The following CILK1 variants were observed in gnomAD, a reference collection of about 807,000 sequenced individuals.
CILK1 encodes the protein ciliogenesis associated kinase 1.
CILK1 carries 47 observed loss-of-function variants against 79.2 expected under a neutral mutation model. The observed-to-expected ratio is 0.59, with a 90% CI of 0.47 to 0.76. The LOEUF (loss-of-function observed/expected upper bound fraction) is 0.76, where lower values mean the gene tolerates loss of function less well. Ranked by LOEUF, CILK1 falls within the 30% of genes least tolerant of loss-of-function variation. The pLI is 0.00. For missense variants in CILK1, 660 were observed against 769.5 expected (o/e 0.86, Z 1.68); for synonymous variants, 266 against 275.9 (o/e 0.96, Z 0.36).
intron 1 of CILK1, among the ~76,000 whole-genome samples, chr6:53,049,790 G>C (rs1767349710): frequency 6.6e-6 from 1 of 152,166 alleles, no homozygotes; most frequent in African/African-American, 2.4e-5. Flanking sequence ...GCAGCTGTGT[G>C]ATCATGGCTC....
chr6:53,053,051 T>A (rs1343710555), intron 1 of CILK1, among the ~76,000 whole-genome samples: 2 of 60,540 alleles, frequency 3.3e-5, no homozygotes, highest in Non-Finnish European at 8.2e-5. Flanking sequence ...AGTAAAAGCC[T>A]GAAAAAAAAA....
intron 5 of CILK1, among the ~76,000 whole-genome samples, chr6:53,021,128 C>T (rs774771295): frequency 6.6e-6 from 1 of 152,178 alleles, no homozygotes; most frequent in Non-Finnish European, 1.5e-5. Flanking sequence ...TCGAGACCAG[C>T]CTGGCCAATA....
At chr6:53,042,849 CTAAG>C (rs1766804069) in intron 1 of CILK1, among the ~76,000 whole-genome samples, 1 of 152,090 alleles carries the variant, frequency 6.6e-6, no homozygotes, top group African/African-American at 2.4e-5. Flanking sequence ...TTGGTAAAAT[CTAAG>C]TAAGATCTGT....
rs1764216430 is a variant in CILK1, at chr6:53,006,310, C to G, written c.1744+5G>C. On this transcript the variant is annotated splice_donor_5th_base_variant and intron_variant, in intron 13 of 13. Coordinates refer to ENST00000676107, the MANE Select transcript of CILK1 (RefSeq NM_014920.5). ...AATTCATGAATAATTTAAAATACAA[C>G]TCACCAGGGGAAGGGTCTGGAATAG... 4.3e-6 allele frequency: 7 copies of G among 1,613,320 alleles called. No homozygotes were observed. In the East Asian group the frequency reaches 1.6e-4, roughly 36 times the overall value.
At chr6:53,022,652 G>A (rs1376751916) in intron 5 of CILK1, among the ~76,000 whole-genome samples, 1 of 152,164 alleles carries the variant, frequency 6.6e-6, no homozygotes, top group Non-Finnish European at 1.5e-5. Flanking sequence ...TTAATAATGT[G>A]CCCTTTACTC....
At chr6:53,013,522 T>G (rs1158694599) in intron 9 of CILK1, 140 bp downstream of exon 9, 1 of 830,260 alleles carries the variant, frequency 1.2e-6, no homozygotes, top group African/African-American at 1.7e-5. Context: ...GCCAAGGGTC[T>G]TTACAATTCC....
intron 3 of CILK1, among the ~76,000 whole-genome samples, chr6:53,036,152 T>C (rs1670401388): frequency 6.6e-6 from 1 of 152,346 alleles, no homozygotes; most frequent in Admixed American, 6.5e-5. Flanking sequence ...GTAATCTCTT[T>C]TGCATTAGAA....
At chr6:53,015,929 C>T in intron 8 of CILK1, 154 bp downstream of exon 8, 1 of 759,802 alleles carries the variant, frequency 1.3e-6, no homozygotes, top group Non-Finnish European at 2.2e-6. Flanking sequence ...AAGTTTCAAA[C>T]TATTTTAAGT....
chr6:53,050,259 C>T (rs1442266590), intron 1 of CILK1, among the ~76,000 whole-genome samples: 1 of 151,732 alleles, frequency 6.6e-6, no homozygotes, highest in Non-Finnish European at 1.5e-5. Context: ...ACTGTGTAGA[C>T]CAGAGACCAC....
chr6:53,032,720 A>G, intron 3 of CILK1, 66 bp from the exon 4 acceptor site: 1 of 1,346,160 alleles, frequency 7.4e-7, no homozygotes, highest in East Asian at 2.4e-5. Flanking sequence ...TGAAAAAGAA[A>G]AGTAATCCTA....
chr6:53,029,339 G>C (rs548113257), intron 5 of CILK1, among the ~76,000 whole-genome samples: 3 of 152,206 alleles, frequency 2.0e-5, no homozygotes, highest in African/African-American at 7.2e-5. Flanking sequence ...GTGAATAAAG[G>C]CCCAAGTACT....
At chr6:53,027,397 T>A (rs1765643386) in intron 5 of CILK1, among the ~76,000 whole-genome samples, 1 of 152,206 alleles carries the variant, frequency 6.6e-6, no homozygotes, top group Admixed American at 6.5e-5. Flanking sequence ...CATTGCTCAA[T>A]CAGTACCAAG....
chr6:53,061,178 T>C (rs1768418035), intron 1 of CILK1: 1 of 152,232 alleles, frequency 6.6e-6, no homozygotes, highest in Non-Finnish European at 1.5e-5. Flanking sequence ...TCATAACAGC[T>C]ACTCAGATTA....
chr6:53,025,128 C>T (rs1318966302), intron 5 of CILK1, among the ~76,000 whole-genome samples: 19 of 152,126 alleles, frequency 1.2e-4, no homozygotes, highest in Admixed American at 9.2e-4. Flanking sequence ...CCACTGTGCC[C>T]GGCCCATATA....
intron 8 of CILK1, 52 bp downstream of exon 8, chr6:53,016,031 G>T: frequency 6.4e-7 from 1 of 1,552,564 alleles, no homozygotes; most frequent in Non-Finnish European, 8.9e-7. Context: ...GCAATTCATA[G>T]AAATTATTCA....
chr6:53,010,258 A>G (rs1764493233), intron 11 of CILK1, among the ~76,000 whole-genome samples: 1 of 152,180 alleles, frequency 6.6e-6, no homozygotes, highest in South Asian at 2.1e-4. Context: ...CAAAATGTCA[A>G]TCCTGATGAA....
chr6:53,011,026 A>G (rs1764538077), intron 11 of CILK1, among the ~76,000 whole-genome samples: 1 of 152,232 alleles, frequency 6.6e-6, no homozygotes, highest in African/African-American at 2.4e-5. Context: ...TACTGAATGA[A>G]TGATTCACTA....
intron 1 of CILK1, among the ~76,000 whole-genome samples, chr6:53,057,306 C>T (rs1303608951): frequency 6.6e-6 from 1 of 152,112 alleles, no homozygotes. Context: ...ACTGATCTCT[C>T]CTAAAAAAAC....
chr6:53,031,127 T>C lies in CILK1; in HGVS notation c.296A>G (p.Glu99Gly), dbSNP rs1765934322. 1.2e-6 allele frequency: 2 copies of C among 1,607,346 alleles called. No individual in the cohort carries two copies. The highest frequency in any genetic ancestry group is 1.1e-5 in the South Asian group (1 of 90,954). Residue 99 changes from glutamate to glycine, a missense_variant, in exon 5 of 14, where the codon GAG becomes GGG. Physicochemically the swap from Glu to Gly is moderately conservative, Grantham distance 98. Transcript: ENST00000676107. ...ATACATGATATTCCTTATAGCAGAC[T>C]CAGGAAACAACTTATTTCTGTATGA... ...LIKERNKLFP[E>G]SAIRNIMYQI...
Sources: gnomAD v4.1 joint callset for allele counts (sites outside exome capture counted in the v4.1 genomes callset) on GRCh38, gnomAD v4.1.1 for gene constraint, MANE v1.5 for transcripts, NCBI Gene and HGNC (gene_info 2026-07-23, HGNC 2026-07-21) for gene names.